The following CNTN4 variants were observed in gnomAD, a reference collection of about 807,000 sequenced individuals.
The protein encoded by CNTN4 is contactin 4, also known as contactin-4.
A neutral mutation model predicts 122.5 loss-of-function variants in CNTN4; 77 were observed. The ratio of observed to expected loss-of-function variants is 0.63; its 90% CI spans 0.52 to 0.76. The LOEUF is 0.76. Among genes scored for constraint, CNTN4 ranks in the 30% least tolerant of loss-of-function variants. CNTN4 has a pLI of 0.00. For missense variants in CNTN4, 1,256 were observed against 1,259.1 expected (o/e 1.00, Z 0.04); for synonymous variants, 512 against 447.0 (o/e 1.15, Z -1.83).
intron 7 of CNTN4, among the ~76,000 whole-genome samples, chr3:2,831,057 C>T (rs1038709736): frequency 6.6e-6 from 1 of 152,104 alleles, no homozygotes; most frequent in Non-Finnish European, 1.5e-5. Context: ...TATTTTTTAA[C>T]ATGTTCAGTT....
At chr3:2,296,662 A>G (rs1320378529) in intron 2 of CNTN4, among the ~76,000 whole-genome samples, 1 of 152,138 alleles carries the variant, frequency 6.6e-6, no homozygotes, top group Non-Finnish European at 1.5e-5. Flanking sequence ...TACAAAGAGC[A>G]ACACTAACTT....
chr3:3,048,333 G>T (rs1244469244), intron 23 of CNTN4, among the ~76,000 whole-genome samples: 1 of 152,104 alleles, frequency 6.6e-6, no homozygotes, highest in Admixed American at 6.5e-5. Context: ...TAGGTATTAT[G>T]AGTAATCTAA....
chr3:2,499,677 C>T (rs1029273486), intron 3 of CNTN4, among the ~76,000 whole-genome samples: 1 of 151,948 alleles, frequency 6.6e-6, no homozygotes, highest in Non-Finnish European at 1.5e-5. Flanking sequence ...ATTGATTTCT[C>T]TCATATTCTT....
intron 3 of CNTN4, among the ~76,000 whole-genome samples, chr3:2,545,903 C>T (rs2078224911): frequency 6.6e-6 from 1 of 151,830 alleles, no homozygotes; most frequent in South Asian, 2.1e-4. Flanking sequence ...CAGCTAACAA[C>T]CTTATGAAAA....
intron 2 of CNTN4, among the ~76,000 whole-genome samples, chr3:2,146,794 T>A (rs2035265155): frequency 6.6e-6 from 1 of 152,200 alleles, no homozygotes; most frequent in Non-Finnish European, 1.5e-5. Flanking sequence ...TCAGGGGAGT[T>A]GTAAAGCCTG....
At chr3:2,224,809 T>C (rs566115313) in intron 2 of CNTN4, among the ~76,000 whole-genome samples, 76 of 152,292 alleles carry the variant, frequency 5.0e-4, no homozygotes, top group African/African-American at 1.7e-3. Flanking sequence ...TGACTCAATC[T>C]GTAAAAGTCA....
intron 6 of CNTN4, among the ~76,000 whole-genome samples, chr3:2,815,393 G>T (rs1012801106): frequency 2.0e-5 from 3 of 151,728 alleles, no homozygotes; most frequent in African/African-American, 7.3e-5. Context: ...AAATCAATAA[G>T]AAAAAAATCA....
chr3:2,329,303 T>A (rs1275263728), intron 2 of CNTN4, among the ~76,000 whole-genome samples: 2 of 152,166 alleles, frequency 1.3e-5, no homozygotes, highest in Non-Finnish European at 2.9e-5. Context: ...TACATACAAA[T>A]CACTTATGTC....
chr3:2,620,358 G>A (rs1336962984), intron 4 of CNTN4, among the ~76,000 whole-genome samples: 1 of 152,074 alleles, frequency 6.6e-6, no homozygotes, highest in African/African-American at 2.4e-5. Context: ...AAATAAGCCA[G>A]GCATGGTGGC....
chr3:2,216,647 G>T (rs1479758255), intron 2 of CNTN4, among the ~76,000 whole-genome samples: 1 of 152,014 alleles, frequency 6.6e-6, no homozygotes, highest in Non-Finnish European at 1.5e-5. Context: ...TAAGGGTGGT[G>T]GATTTCAACC....
At chr3:2,661,673 G>A (rs1001980677) in intron 4 of CNTN4, among the ~76,000 whole-genome samples, 4 of 151,672 alleles carry the variant, frequency 2.6e-5, no homozygotes, top group Non-Finnish European at 5.9e-5. Flanking sequence ...TTAACCAGGC[G>A]TAGTGGCGGG....
intron 3 of CNTN4, among the ~76,000 whole-genome samples, chr3:2,455,331 A>G (rs1394234149): frequency 6.6e-6 from 1 of 152,160 alleles, no homozygotes; most frequent in Non-Finnish European, 1.5e-5. Flanking sequence ...AAGTGTAATG[A>G]ACTGTTACCA....
At chr3:2,201,068 A>T (rs956941372) in intron 2 of CNTN4, among the ~76,000 whole-genome samples, 3 of 152,186 alleles carry the variant, frequency 2.0e-5, no homozygotes, top group Non-Finnish European at 4.4e-5. Context: ...CTAATTAAAG[A>T]AGCTGAAGGG....
chr3:2,353,580 C>G (rs368676390), intron 3 of CNTN4, among the ~76,000 whole-genome samples: 21 of 152,070 alleles, frequency 1.4e-4, no homozygotes, highest in African/African-American at 4.6e-4. Flanking sequence ...ACGAACCCAC[C>G]GGGAGGAATG....
chr3:2,604,719 A>G (rs944219132), intron 4 of CNTN4, among the ~76,000 whole-genome samples: 1 of 152,162 alleles, frequency 6.6e-6, no homozygotes, highest in African/African-American at 2.4e-5. Context: ...GTACATATTT[A>G]AGAGATACAA....
chr3:2,243,840 C>T (rs1418269988), intron 2 of CNTN4, among the ~76,000 whole-genome samples: 1 of 151,966 alleles, frequency 6.6e-6, no homozygotes, highest in Non-Finnish European at 1.5e-5. Context: ...GAAGACATTC[C>T]CAATGGTGTA....
At chr3:2,868,186 C>G (rs1001525661) in intron 8 of CNTN4, among the ~76,000 whole-genome samples, 2 of 152,204 alleles carry the variant, frequency 1.3e-5, no homozygotes, top group Non-Finnish European at 2.9e-5. Context: ...TGCCTAGTCA[C>G]TGTGCACAGA....
chr3:2,554,414 T>C (rs922723839), intron 3 of CNTN4, among the ~76,000 whole-genome samples: 1 of 152,162 alleles, frequency 6.6e-6, no homozygotes, highest in Non-Finnish European at 1.5e-5. Flanking sequence ...AGCTCAGTGA[T>C]ACTTTCTCCA....
At chr3:3,025,827 G>A (rs546448873) in intron 14 of CNTN4, among the ~76,000 whole-genome samples, 1 of 152,088 alleles carries the variant, frequency 6.6e-6, no homozygotes, top group East Asian at 1.9e-4. Flanking sequence ...GCCCTTCCAC[G>A]AGCATCTTTA....
Sources: gnomAD v4.1 joint callset for allele counts (sites outside exome capture counted in the v4.1 genomes callset) on GRCh38, gnomAD v4.1.1 for gene constraint, MANE v1.5 for transcripts, NCBI Gene and HGNC (gene_info 2026-07-23, HGNC 2026-07-21) for gene names.